HDAC9: variants seen among roughly 807,000 people sequenced by gnomAD.
HDAC9 encodes histone deacetylase 9, also known as MEF-2 interacting transcription repressor (MITR) protein.
HDAC9 carries 41 observed loss-of-function variants against 139.4 expected under a neutral mutation model. That is an observed-to-expected ratio of 0.29 (90% CI 0.23 to 0.38). HDAC9 has a LOEUF of 0.38. Among genes scored for constraint, HDAC9 ranks in the 10% least tolerant of loss-of-function variants. The pLI is 1.00. For synonymous variants in HDAC9, 517 were observed against 476.2 expected, an observed-to-expected ratio of 1.09 and a Z score of -1.12; for missense variants, 1,147 against 1,297.0, an observed-to-expected ratio of 0.88 and a Z score of 1.78.
chr7:18,551,583 A>G (rs753261153), intron 2 of HDAC9, among the ~76,000 whole-genome samples: 5 of 152,184 alleles, frequency 3.3e-5, no homozygotes, highest in Non-Finnish European at 5.9e-5. Flanking sequence ...AAGCGATCCA[A>G]TTACTAAACT....
chr7:18,086,843 CGCCGCCCGCTCAGCTCGCAGCTCGCA>C (rs1453226345), upstream of HDAC9: 8 of 149,608 alleles, frequency 5.3e-5, no homozygotes, highest in Non-Finnish European at 1.0e-4. Flanking sequence ...CTCCGCGCGC[CGCCGCCCGCTCAGCTCGCAGCTCGCA>C]GCCGCCCGCT....
chr7:18,616,927 A>T (rs1440031534), intron 6 of HDAC9, among the ~76,000 whole-genome samples: 3 of 152,214 alleles, frequency 2.0e-5, no homozygotes, highest in Non-Finnish European at 4.4e-5. Context: ...AATTATTAGT[A>T]ACAGTAATTA....
chr7:18,220,431 G>C (rs1414104734), intron 2 of HDAC9, among the ~76,000 whole-genome samples: 1 of 152,148 alleles, frequency 6.6e-6, no homozygotes, highest in Non-Finnish European at 1.5e-5. Flanking sequence ...TGTGGAACCA[G>C]CTCTTAAGTG....
At chr7:18,166,367 G>C (rs78302506) in intron 2 of HDAC9, among the ~76,000 whole-genome samples, 3 of 152,102 alleles carry the variant, frequency 2.0e-5, no homozygotes, top group Non-Finnish European at 4.4e-5. Flanking sequence ...GAAGTGAAAG[G>C]TTTATAGCAA....
chr7:18,414,717 A>G (rs1562964913), intron 1 of HDAC9, among the ~76,000 whole-genome samples: 1 of 152,192 alleles, frequency 6.6e-6, no homozygotes, highest in Admixed American at 6.5e-5. Flanking sequence ...ACAGAAAAAC[A>G]TTGTAATGGT....
chr7:18,403,457 G>T (rs564696193), intron 1 of HDAC9, among the ~76,000 whole-genome samples: 20 of 152,194 alleles, frequency 1.3e-4, no homozygotes, highest in African/African-American at 4.3e-4. Flanking sequence ...TGTTGCACTT[G>T]TTATTTTCCT....
Position 18,099,941 on chromosome 7 carries a change from T to C in HDAC9, c.-97+12728T>C, listed in dbSNP as rs113995012. 2.4e-3 allele frequency among the ~76,000 whole-genome samples: 367 copies of C among 152,346 alleles called. 1 individual carries two copies. Among genetic ancestry groups the C allele is most frequent in the African/African-American group, 8.6e-3 (358 of 41,576 alleles). The stretch of plus-strand genomic sequence containing the variant: ...CATTTCAGTGCTCTTTATTCCTTTG[T>C]CTATATCCAGATTTTCCTCTGATAT... On this transcript the variant is annotated intron_variant, in intron 1 of 12. Transcript: ENST00000417496.
At chr7:18,443,861 TA>T (rs998224200) in intron 1 of HDAC9, among the ~76,000 whole-genome samples, 2 of 151,742 alleles carry the variant, frequency 1.3e-5, no homozygotes, top group Admixed American at 6.6e-5. Context: ...TACATTTGTA[TA>T]AACATATATA....
At chr7:18,129,455 G>A (rs1437667000) in intron 1 of HDAC9, among the ~76,000 whole-genome samples, 2 of 152,066 alleles carry the variant, frequency 1.3e-5, no homozygotes, top group East Asian at 3.9e-4. Context: ...TCAGCATTTA[G>A]TAGGGTCTTA....
intron 16 of HDAC9, among the ~76,000 whole-genome samples, chr7:18,789,639 C>A (rs978672073): frequency 6.6e-6 from 1 of 152,092 alleles, no homozygotes; most frequent in African/African-American, 2.4e-5. Flanking sequence ...GTGAGGGTGC[C>A]TGTCTTCTTA....
Position 18,954,188 on chromosome 7 carries a change from A to G in HDAC9, c.2980A>G (p.Met994Val). The G allele has an allele frequency of 6.4e-7, 1 of 1,570,650 alleles. No homozygotes were observed. The highest frequency in any genetic ancestry group is 8.7e-7 in the Non-Finnish European group (1 of 1,150,960). ...AEDILHQSPN[M>V]NAVISLQKII... ...AGATATTCTCCACCAAAGCCCGAAT[A>G]TGAATGCTGTTATTTCTTTACAGAA... The change falls in exon 24 of 26, where the codon ATG becomes GTG. Residue 994 changes from methionine (M) to valine (V), a missense_variant. Physicochemically the swap from Met to Val is conservative, Grantham distance 21. Around this residue, in one of 7 missense-constraint regions of HDAC9, gnomAD observed 407 missense variants for 521.5 expected, o/e 0.78. Transcript: ENST00000686413.
intron 2 of HDAC9, among the ~76,000 whole-genome samples, chr7:18,229,507 T>G (rs1793306666): frequency 6.6e-6 from 1 of 152,306 alleles, no homozygotes; most frequent in African/African-American, 2.4e-5. Flanking sequence ...TCTAGTGCTA[T>G]TACAATGCAG....
At chr7:18,958,105 C>A (rs191678123) in intron 24 of HDAC9, among the ~76,000 whole-genome samples, 126 of 152,208 alleles carry the variant, frequency 8.3e-4, no homozygotes, top group Non-Finnish European at 4.0e-4. Context: ...CCAACAGGAT[C>A]ATTTATGTTG....
intron 6 of HDAC9, among the ~76,000 whole-genome samples, chr7:18,617,665 A>G (rs1025891060): frequency 2.0e-5 from 3 of 152,254 alleles, no homozygotes; most frequent in Non-Finnish European, 4.4e-5. Flanking sequence ...ATATATCTCT[A>G]TATTAAAATT....
intron 16 of HDAC9, among the ~76,000 whole-genome samples, chr7:18,775,435 C>G (rs1027016495): frequency 6.6e-6 from 1 of 151,986 alleles, no homozygotes; most frequent in African/African-American, 2.4e-5. Context: ...ATCTTCCTGA[C>G]GATCTGTAAG....
At chr7:18,384,990 T>C (rs183853927) in intron 1 of HDAC9, among the ~76,000 whole-genome samples, 21 of 152,332 alleles carry the variant, frequency 1.4e-4, no homozygotes, top group Admixed American at 1.2e-3. Flanking sequence ...TTTCTGTTTC[T>C]ATTTACCTTT....
intron 21 of HDAC9, among the ~76,000 whole-genome samples, chr7:18,866,772 C>A (rs1034672536): frequency 6.6e-6 from 1 of 152,200 alleles, no homozygotes; most frequent in African/African-American, 2.4e-5. Flanking sequence ...TCCCTTCTTG[C>A]AACTGAGCAC....
intron 24 of HDAC9, among the ~76,000 whole-genome samples, chr7:18,971,853 C>T (rs1488472978): frequency 1.3e-5 from 2 of 152,202 alleles, no homozygotes; most frequent in East Asian, 3.9e-4. Context: ...AAGGTCTCAA[C>T]TATTTTAAAT....
At position 18,970,681 on chromosome 7, in the gene HDAC9, A is replaced by G. The variant is rs554713467; in HGVS notation, c.3023-5125A>G. Among the ~76,000 whole-genome samples the G allele has an allele frequency of 3.3e-5, 5 of 152,304 alleles. 1 individual carries two copies. Among genetic ancestry groups the G allele is most frequent in the Admixed American group, 3.3e-4 (5 of 15,302 alleles). On this transcript the variant is annotated intron_variant, in intron 24 of 25. Coordinates refer to ENST00000686413, the MANE Select transcript of HDAC9 (RefSeq NM_178425.4). ...TTAGAAAATCCATAGACCTCCTTGT[A>G]AGCCCCAGGTGTTAATAATTTCTGT...
Sources: allele counts gnomAD v4.1 joint callset (sites outside exome capture counted in the v4.1 genomes callset), GRCh38; gene constraint gnomAD v4.1.1; regional missense constraint gnomAD v4.1.1; transcripts MANE v1.5; gene names NCBI Gene and HGNC (gene_info 2026-07-23, HGNC 2026-07-21).